The following GLI3 variants were observed in gnomAD, a reference collection of about 807,000 sequenced individuals.
The protein encoded by GLI3 is transcription activator GLI3.
GLI3 carries 20 observed loss-of-function variants against 100.8 expected under a neutral mutation model. That is an observed-to-expected ratio of 0.20 (90% CI 0.14 to 0.29). The LOEUF is 0.29. Ranked by LOEUF, GLI3 falls within the 10% of genes least tolerant of loss-of-function variation. GLI3 has a pLI of 1.00. For missense variants in GLI3, 2,040 were observed against 2,128.5 expected (o/e 0.96, Z 0.82); for synonymous variants, 938 against 860.5 (o/e 1.09, Z -1.58).
chr7:42,168,872 C>T (rs1397687841), intron 2 of GLI3, among the ~76,000 whole-genome samples: 4 of 151,974 alleles, frequency 2.6e-5, no homozygotes, highest in Admixed American at 6.6e-5. Context: ...GAGCTGTGAT[C>T]GCACCACTGC....
At chr7:42,122,088 T>C (rs1029190192) in intron 3 of GLI3, among the ~76,000 whole-genome samples, 2 of 151,922 alleles carry the variant, frequency 1.3e-5, no homozygotes, top group African/African-American at 2.4e-5. Flanking sequence ...GTCTGTGACA[T>C]GAAGACAAAT....
chr7:41,996,282 AC>A, intron 10 of GLI3, among the ~76,000 whole-genome samples: 1 of 151,572 alleles, frequency 6.6e-6, no homozygotes, highest in African/African-American at 2.4e-5. Flanking sequence ...ATTTGTTGGA[AC>A]AATTATTTTT....
chr7:42,043,116 T>C (rs1346724274), intron 6 of GLI3, among the ~76,000 whole-genome samples: 1 of 152,120 alleles, frequency 6.6e-6, no homozygotes, highest in Non-Finnish European at 1.5e-5. Flanking sequence ...ACCAGATAGA[T>C]CCCAGGTTTC....
At chr7:42,059,630 C>T (rs1447872812) in intron 4 of GLI3, among the ~76,000 whole-genome samples, 1 of 152,168 alleles carries the variant, frequency 6.6e-6, no homozygotes. Flanking sequence ...ATTCATATGT[C>T]CAGTTGCAAT....
chr7:41,968,424 C>T lies in GLI3; in HGVS notation c.2104-501G>A, dbSNP rs192796862. On this transcript the variant is annotated intron_variant, in intron 13 of 14. Transcript: ENST00000395925. ...AGGATGTTAGCAATTATTATGATCC[C>T]GGGTGGTTTTAGTCTTGAGGTTCAT... Among the ~76,000 whole-genome samples the T allele has an allele frequency of 7.2e-5, 11 of 152,058 alleles. No homozygotes were observed. The East Asian group carries it at 1.4e-3, about 19-fold the overall frequency.
chr7:41,997,203 G>C (rs1788150868), intron 10 of GLI3, among the ~76,000 whole-genome samples: 1 of 152,168 alleles, frequency 6.6e-6, no homozygotes, highest in Non-Finnish European at 1.5e-5. Context: ...CATCTCCCAG[G>C]AAGGAAAGGC....
intron 2 of GLI3, among the ~76,000 whole-genome samples, chr7:42,210,447 T>C (rs1788249730): frequency 6.6e-6 from 1 of 150,888 alleles, no homozygotes; most frequent in African/African-American, 2.4e-5. Context: ...AGTTTCTATA[T>C]TTGATAGAGA....
At chr7:42,130,520 A>G (rs564914491) in intron 3 of GLI3, among the ~76,000 whole-genome samples, 7 of 152,360 alleles carry the variant, frequency 4.6e-5, no homozygotes, top group African/African-American at 1.7e-4. Flanking sequence ...TATGACTGCA[A>G]AAAGTTAAAA....
chr7:42,156,196 C>T (rs931466090), intron 2 of GLI3, among the ~76,000 whole-genome samples: 5 of 152,104 alleles, frequency 3.3e-5, no homozygotes, highest in Non-Finnish European at 4.4e-5. Context: ...CCAGCGGGTT[C>T]GCCTTTAAAA....
chr7:42,096,882 GA>G (rs755577321), intron 3 of GLI3, among the ~76,000 whole-genome samples: 18 of 152,216 alleles, frequency 1.2e-4, no homozygotes, highest in Non-Finnish European at 2.5e-4. Flanking sequence ...GAGGGTTGGG[GA>G]AACACTTGGA....
At chr7:42,009,480 C>CTTTTTTT (rs3030324) in intron 10 of GLI3, among the ~76,000 whole-genome samples, 18 of 118,350 alleles carry the variant, frequency 1.5e-4, no homozygotes, top group Admixed American at 2.6e-4. Context: ...GCAAATTGTT[C>CTTTTTTT]TTTTTTTTTT....
At chr7:41,971,731 A>G (rs932316731) in intron 13 of GLI3, among the ~76,000 whole-genome samples, 1 of 151,814 alleles carries the variant, frequency 6.6e-6, no homozygotes, top group African/African-American at 2.4e-5. Context: ...AAAAAAACTC[A>G]CCCCTGCTAT....
chr7:42,100,243 C>T (rs1006584633), intron 3 of GLI3, among the ~76,000 whole-genome samples: 7 of 152,206 alleles, frequency 4.6e-5, no homozygotes, highest in African/African-American at 1.7e-4. Flanking sequence ...ATGTGGCCAC[C>T]TTCTATGCTG....
chr7:42,237,052 G>C lies in GLI3; in HGVS notation c.-124C>G, dbSNP rs1788818624. 1 of 148,732 alleles carries C rather than the reference G, an allele frequency of 6.7e-6. No homozygotes were observed. Among genetic ancestry groups the C allele is most frequent in the Admixed American group, 6.7e-5 (1 of 14,954 alleles). The allele number at this position is 148,732 out of a possible 1,614,324, so 9.2% of individuals were successfully genotyped here. On this transcript the variant is annotated 5_prime_UTR_variant, in exon 1 of 15. Transcript: ENST00000395925. ...GCAGGCTGGCGGCTCCCCGCTCCGCGCGGCCGCGGGCGGCTACGGCTACCG... is the reference window on the plus strand; with the variant it reads ...GCAGGCTGGCGGCTCCCCGCTCCGCCCGGCCGCGGGCGGCTACGGCTACCG...
At position 41,968,755 on chromosome 7, in the gene GLI3, A is replaced by AGAAG. The variant is rs61125168; in HGVS notation, c.2104-833_2104-832insCTTC. 9.3e-4 allele frequency among the ~76,000 whole-genome samples: 95 copies of AGAAG among 101,774 alleles called. 1 individual carries two copies. Among genetic ancestry groups the AGAAG allele is most frequent in the Middle Eastern group, 4.5e-3 (1 of 220 alleles). 66.8% of individuals were successfully genotyped at this position (101,774 alleles called of 152,430 possible). On this transcript the variant is annotated intron_variant, in intron 13 of 14. Coordinates refer to ENST00000395925, the MANE Select transcript of GLI3 (RefSeq NM_000168.6). ...AAGAAAGAAAGAAAGAAAGAAAGAA[A>AGAAG]GAAAGAAGGAAAGAAAGAAAGAAAG...
At chr7:42,199,500 C>A (rs1256837413) in intron 2 of GLI3, among the ~76,000 whole-genome samples, 2 of 152,160 alleles carry the variant, frequency 1.3e-5, no homozygotes, top group Admixed American at 6.5e-5. Flanking sequence ...CCAGCTGGGG[C>A]AGACAGCTCT....
intron 3 of GLI3, among the ~76,000 whole-genome samples, chr7:42,137,820 G>C (rs371108979): frequency 6.6e-6 from 1 of 152,172 alleles, no homozygotes; most frequent in South Asian, 2.1e-4. Flanking sequence ...GCATAAAATT[G>C]TTTTAAAATA....
chr7:42,089,479 G>T (rs1392427559), intron 3 of GLI3, among the ~76,000 whole-genome samples: 1 of 152,192 alleles, frequency 6.6e-6, no homozygotes, highest in African/African-American at 2.4e-5. Context: ...ATATATACTT[G>T]TACAGAATTT....
At chr7:42,245,522 T>C (rs1402055867) in intron 1 of GLI3, among the ~76,000 whole-genome samples, 3 of 151,712 alleles carry the variant, frequency 2.0e-5, no homozygotes, top group African/African-American at 7.3e-5. Context: ...TACTAAAAAA[T>C]ACAAAAAAAT....
Sources: allele counts gnomAD v4.1 joint callset (sites outside exome capture counted in the v4.1 genomes callset), GRCh38; gene constraint gnomAD v4.1.1; transcripts MANE v1.5; gene names NCBI Gene and HGNC (gene_info 2026-07-23, HGNC 2026-07-21).